C11orf65: variants seen among roughly 807,000 people sequenced by gnomAD.
C11orf65 encodes protein MFI.
A neutral mutation model predicts 35.3 loss-of-function variants in C11orf65; 38 were observed. That is an observed-to-expected ratio of 1.08 (90% CI 0.83 to 1.41). The LOEUF (loss-of-function observed/expected upper bound fraction) is 1.41, where lower values mean the gene tolerates loss of function less well. Ranked by LOEUF, C11orf65 falls within the 40% of genes most tolerant of loss-of-function variation. The pLI is 0.00. For missense variants in C11orf65, 370 were observed against 367.1 expected, an observed-to-expected ratio of 1.01 and a Z score of -0.06; for synonymous variants, 105 against 114.4, an observed-to-expected ratio of 0.92 and a Z score of 0.53.
At chr11:108,341,723 G>T (rs2087606769) in intron 2 of C11orf65, among the ~76,000 whole-genome samples, 1 of 152,118 alleles carries the variant, frequency 6.6e-6, no homozygotes, top group Admixed American at 6.6e-5. Flanking sequence ...GGATTTATAT[G>T]AAGAATACAA....
chr11:108,331,247 C>A, downstream of C11orf65: 1 of 1,284,378 alleles, frequency 7.8e-7, no homozygotes, highest in Non-Finnish European at 9.9e-7. Flanking sequence ...TTTGATTTAC[C>A]AATGCATTAA....
At chr11:108,416,554 G>A (rs2138820809) in intron 3 of C11orf65, among the ~76,000 whole-genome samples, 1 of 152,128 alleles carries the variant, frequency 6.6e-6, no homozygotes, top group African/African-American at 2.4e-5. Flanking sequence ...GTGATGGGGT[G>A]TGAATTCCAG....
At position 108,316,073 on chromosome 11, in the gene C11orf65, C is replaced by G. The variant is rs2136130260; in HGVS notation, c.641-7002G>C. The stretch of plus-strand genomic sequence containing the variant: ...GCCCTAGTAACATATGACCTCGAAA[C>G]AGCAATCCCCTCATCAACACGCCAG... On this transcript the variant is annotated intron_variant, in intron 6 of 6. Coordinates refer to the C11orf65 transcript ENST00000525729. The G allele has an allele frequency of 8.1e-6, 13 of 1,614,098 alleles. No individual in the cohort carries two copies. The highest frequency in any genetic ancestry group is 1.1e-5 in the Non-Finnish European group (13 of 1,180,008).
intron 3 of C11orf65, among the ~76,000 whole-genome samples, chr11:108,408,361 G>T (rs1036940905): frequency 1.3e-5 from 2 of 151,868 alleles, no homozygotes; most frequent in African/African-American, 4.8e-5. Context: ...ATTAGCTATT[G>T]TTAAATTTAA....
downstream of C11orf65, among the ~76,000 whole-genome samples, chr11:108,378,947 G>C (rs2091799884): frequency 6.6e-6 from 1 of 152,120 alleles, no homozygotes; most frequent in African/African-American, 2.4e-5. Context: ...ACACCAGTTA[G>C]AGTGGCGATC....
In C11orf65 at chr11:108,325,404, A is replaced by G. The variant is rs1028293945; in HGVS notation, c.641-16333T>C. 1.9e-6 allele frequency: 3 copies of G among 1,613,840 alleles called. No individual in the cohort carries two copies. The highest frequency in any genetic ancestry group is 1.7e-5 in the Admixed American group (1 of 60,012). ...CAGTGATTTTAGTTTTCAGGAGCCTATCATGGCTCTACGCACAGTCATTTT... is the reference window on the plus strand; with the variant it reads ...CAGTGATTTTAGTTTTCAGGAGCCTGTCATGGCTCTACGCACAGTCATTTT... On this transcript the variant is annotated intron_variant, in intron 6 of 6. Coordinates refer to the C11orf65 transcript ENST00000525729.
At chr11:108,393,474 A>G in intron 6 of C11orf65, 96 bp from the exon 7 acceptor site, 1 of 1,155,740 alleles carries the variant, frequency 8.7e-7, no homozygotes. Context: ...ACATATTAAA[A>G]CTATTTGCAT....
At position 108,363,360 on chromosome 11, in the gene C11orf65, G is replaced by C. The variant is rs1290809556; in HGVS notation, c.227-28068C>G. ...TTTCCCTTTTCTTTTCAGTGTATTT[G>C]TCTCTCCTGGCCTTCAAGATTTTAT... On this transcript the variant is annotated intron_variant, in intron 2 of 3. Transcript: ENST00000524755. Among the ~76,000 whole-genome samples, 3 of 152,004 alleles carry C rather than the reference G, an allele frequency of 2.0e-5. No homozygotes were observed. In the South Asian group the frequency reaches 6.2e-4, roughly 32 times the overall value.
At chr11:108,358,990 C>T (rs1399437780) in intron 2 of C11orf65, among the ~76,000 whole-genome samples, 2 of 151,712 alleles carry the variant, frequency 1.3e-5, no homozygotes, top group African/African-American at 4.8e-5. Flanking sequence ...AATTAAAAGA[C>T]ACAGACTGGC....
intron 3 of C11orf65, chr11:108,332,080 C>T: frequency 6.2e-7 from 1 of 1,603,760 alleles, no homozygotes; most frequent in Non-Finnish European, 8.5e-7. Context: ...GTGTGATATT[C>T]AGTCTTTCCT....
intron 2 of C11orf65, chr11:108,347,476 G>A (rs2088590773): frequency 1.1e-6 from 1 of 896,604 alleles, no homozygotes; most frequent in Admixed American, 2.3e-5. Context: ...AATTGAAGCA[G>A]TAAATATTGG....
At chr11:108,381,466 A>T (rs1565626424), downstream of C11orf65, among the ~76,000 whole-genome samples, 1 of 152,226 alleles carries the variant, frequency 6.6e-6, no homozygotes, top group Non-Finnish European at 1.5e-5. Context: ...GTCCACTAGT[A>T]GGAAAATTCT....
rs12362921 is a variant in C11orf65, at chr11:108,358,704, C to A, written c.227-23412G>T. Among the ~76,000 whole-genome samples the A allele has an allele frequency of 3.3e-3, 490 of 149,650 alleles. 3 individuals are homozygous for A. Among genetic ancestry groups the A allele is most frequent in the East Asian group, 4.9e-3 (25 of 5,058 alleles). On this transcript the variant is annotated intron_variant, in intron 2 of 3. Coordinates refer to the C11orf65 transcript ENST00000524755. ...CATATCCAGCCAAACTAAGCTTCAT[C>A]AGTGAAGTAGAAATAAAATACTTTA...
chr11:108,454,028 T>C (rs1416826726), intron 2 of C11orf65, among the ~76,000 whole-genome samples: 1 of 152,218 alleles, frequency 6.6e-6, no homozygotes, highest in Non-Finnish European at 1.5e-5. Flanking sequence ...CATCAGTGAA[T>C]TCAACAGTGA....
intron 2 of C11orf65, among the ~76,000 whole-genome samples, chr11:108,356,451 G>C (rs1037347976): frequency 2.0e-5 from 3 of 150,682 alleles, no homozygotes; most frequent in African/African-American, 7.3e-5. Flanking sequence ...CAGGAGAATC[G>C]CTTGAACCCA....
intron 3 of C11orf65, among the ~76,000 whole-genome samples, chr11:108,408,423 C>T (rs1215663357): frequency 6.6e-6 from 1 of 151,862 alleles, no homozygotes; most frequent in African/African-American, 2.4e-5. Flanking sequence ...ACCTGTAATC[C>T]CAACACTTTG....
chr11:108,336,228 C>G, intron 2 of C11orf65: 1 of 378,826 alleles, frequency 2.6e-6, no homozygotes, highest in South Asian at 2.4e-5. Flanking sequence ...TCACTTGAGT[C>G]CAGGAGTTTG....
intron 2 of C11orf65, chr11:108,353,693 A>C: frequency 8.0e-7 from 1 of 1,244,974 alleles, no homozygotes. Flanking sequence ...GCCTTTGTAA[A>C]GTTCACATTC....
intron 6 of C11orf65, among the ~76,000 whole-genome samples, chr11:108,318,079 C>T (rs1022477146): frequency 3.5e-4 from 53 of 152,044 alleles, no homozygotes; most frequent in African/African-American, 9.4e-4. Context: ...AAAAATAATA[C>T]GGCCAGGCAC....
Sources: gnomAD v4.1 joint callset for allele counts (sites outside exome capture counted in the v4.1 genomes callset) on GRCh38, gnomAD v4.1.1 for gene constraint, MANE v1.5 for transcripts, NCBI Gene and HGNC (gene_info 2026-07-23, HGNC 2026-07-21) for gene names.